The following XKR4 variants were observed in gnomAD, a reference collection of about 807,000 sequenced individuals.
The protein encoded by XKR4 is XK related 4, also known as XK-related protein 4.
In XKR4, 12 loss-of-function variants were observed where a neutral mutation model predicts 53.9. The observed-to-expected ratio is 0.22, with a 90% CI of 0.14 to 0.36. The LOEUF is 0.36. Ranked by LOEUF, XKR4 falls within the 10% of genes least tolerant of loss-of-function variation. XKR4 has a pLI of 1.00. For synonymous variants in XKR4, 354 were observed against 362.4 expected (o/e 0.98, Z 0.26); for missense variants, 799 against 859.5 (o/e 0.93, Z 0.88).
intron 2 of XKR4, among the ~76,000 whole-genome samples, chr8:55,457,497 C>A: frequency 6.6e-6 from 1 of 151,726 alleles, no homozygotes; most frequent in Non-Finnish European, 1.5e-5. Context: ...AAACTATTCC[C>A]CAAAAAATAA....
chr8:55,454,263 C>A, intron 2 of XKR4: 1 of 1,300,446 alleles, frequency 7.7e-7, no homozygotes, highest in Non-Finnish European at 1.1e-6. Flanking sequence ...GCTACAATCA[C>A]GTCTAGCAGC....
At chr8:55,311,434 A>G (rs1819386981) in intron 1 of XKR4, among the ~76,000 whole-genome samples, 1 of 152,220 alleles carries the variant, frequency 6.6e-6, no homozygotes, top group Admixed American at 6.5e-5. Context: ...CCAGCTGAAG[A>G]GAGCATGATA....
intron 1 of XKR4, among the ~76,000 whole-genome samples, chr8:55,318,366 G>A (rs1468467228): frequency 6.6e-6 from 1 of 152,152 alleles, no homozygotes; most frequent in African/African-American, 2.4e-5. Flanking sequence ...AAGTCTTTCT[G>A]TTCATGTCAA....
chr8:55,173,573 T>C (rs1176751987), intron 1 of XKR4, among the ~76,000 whole-genome samples: 6 of 152,344 alleles, frequency 3.9e-5, no homozygotes, highest in Admixed American at 1.3e-4. Context: ...ATGGAGGAGC[T>C]GATTTTTATT....
chr8:55,254,521 G>A (rs1818407304), intron 1 of XKR4, among the ~76,000 whole-genome samples: 1 of 152,144 alleles, frequency 6.6e-6, no homozygotes, highest in African/African-American at 2.4e-5. Flanking sequence ...ACAATCTCAT[G>A]GAACTCGTGA....
chr8:55,301,681 C>T (rs1202774060), intron 1 of XKR4, among the ~76,000 whole-genome samples: 2 of 152,080 alleles, frequency 1.3e-5, no homozygotes, highest in Admixed American at 1.3e-4. Context: ...TTTTAATGAT[C>T]ACCATTCTAA....
intron 1 of XKR4, among the ~76,000 whole-genome samples, chr8:55,313,251 G>C (rs930741909): frequency 6.6e-6 from 1 of 152,166 alleles, no homozygotes; most frequent in Non-Finnish European, 1.5e-5. Flanking sequence ...ATGAGTAGGA[G>C]GAATATTTTA....
rs1806937872 is a variant in XKR4 at position 55,530,619 on chromosome 8, TTA to T, written c.*6394_*6395del. 1 of 152,218 alleles carries T rather than the reference TTA, an allele frequency of 6.6e-6. No homozygotes were observed. Among genetic ancestry groups the T allele is most frequent in the Admixed American group, 6.5e-5 (1 of 15,282 alleles). The allele number at this position is 152,218 out of a possible 1,614,324, so 9.4% of individuals were successfully genotyped here. On this transcript the variant is annotated 3_prime_UTR_variant, in exon 3 of 3. Coordinates refer to ENST00000327381, the MANE Select transcript of XKR4 (RefSeq NM_052898.2). ...CCAAAAATTTTCTCAACCCTGGTGT[TTA>T]TTTTTAAAAAATCTTCAATGATCAA...
In XKR4 at chr8:55,124,929, G is replaced by A. The variant is rs1464482666; in HGVS notation, c.806+21635G>A. 2.6e-5 allele frequency among the ~76,000 whole-genome samples: 4 copies of A among 152,296 alleles called. No homozygotes were observed. In the East Asian group the frequency reaches 7.7e-4, roughly 29 times the overall value. ...CCATCATTTTATTCAAAGGTGATTA[G>A]TCTATCCATGCTTGAAATATTACAT... On this transcript the variant is annotated intron_variant, in intron 1 of 2. Coordinates refer to ENST00000327381, the MANE Select transcript of XKR4 (RefSeq NM_052898.2).
chr8:55,246,966 A>G (rs1818293381), intron 1 of XKR4, among the ~76,000 whole-genome samples: 1 of 152,252 alleles, frequency 6.6e-6, no homozygotes, highest in Admixed American at 6.5e-5. Flanking sequence ...GCAGAAAGAG[A>G]GATAAGATGT....
chr8:55,110,217 A>T (rs930246016), intron 1 of XKR4, among the ~76,000 whole-genome samples: 7 of 152,134 alleles, frequency 4.6e-5, no homozygotes, highest in Non-Finnish European at 8.8e-5. Context: ...TTTAGGGAAA[A>T]TTATATTTAA....
Position 55,541,288 on chromosome 8 carries a change from G to A in XKR4, c.*17061G>A, listed in dbSNP as rs1807097108. ...CTTAATTTTGTTTGTTTGTTTCTAA[G>A]GTTGGTTTTGGGTAAAATCCTCATT... On this transcript the variant is annotated 3_prime_UTR_variant, in exon 3 of 3. Transcript: ENST00000327381. The A allele has an allele frequency of 6.6e-6, 1 of 152,132 alleles. No individual in the cohort carries two copies. The highest frequency in any genetic ancestry group is 1.5e-5 in the Non-Finnish European group (1 of 68,018). The allele number at this position is 152,132 out of a possible 1,614,324, so 9.4% of individuals were successfully genotyped here.
At chr8:55,391,939 C>T (rs1315773126) in intron 2 of XKR4, among the ~76,000 whole-genome samples, 2 of 152,028 alleles carry the variant, frequency 1.3e-5, no homozygotes, top group African/African-American at 4.8e-5. Flanking sequence ...ATATTACTAT[C>T]GATCATTTTG....
At chr8:55,156,222 G>A (rs536349614) in intron 1 of XKR4, among the ~76,000 whole-genome samples, 3 of 151,976 alleles carry the variant, frequency 2.0e-5, no homozygotes, top group African/African-American at 4.8e-5. Flanking sequence ...GGGGGGCGGG[G>A]AGGAATCTTG....
At chr8:55,453,150 C>A in intron 2 of XKR4, 1 of 522,500 alleles carries the variant, frequency 1.9e-6, no homozygotes, top group East Asian at 5.3e-5. Context: ...AGAACTGTGG[C>A]ATGCTCCACA....
intron 2 of XKR4, among the ~76,000 whole-genome samples, chr8:55,461,703 T>C (rs930258831): frequency 2.0e-5 from 3 of 152,054 alleles, no homozygotes; most frequent in Non-Finnish European, 2.9e-5. Context: ...TTCGAACAAA[T>C]GGCAAATAAG....
chr8:55,123,261 A>C (rs1483460929), intron 1 of XKR4, among the ~76,000 whole-genome samples: 1 of 152,204 alleles, frequency 6.6e-6, no homozygotes, highest in African/African-American at 2.4e-5. Context: ...GAAATCAGCA[A>C]ATTATTAGAG....
chr8:55,143,860 C>T (rs1046901915), intron 1 of XKR4, among the ~76,000 whole-genome samples: 10 of 152,234 alleles, frequency 6.6e-5, no homozygotes, highest in African/African-American at 2.2e-4. Context: ...AGCCTTGTGG[C>T]GTAGGAGCCT....
At chr8:55,250,056 A>T (rs753118758) in intron 1 of XKR4, among the ~76,000 whole-genome samples, 4 of 152,158 alleles carry the variant, frequency 2.6e-5, no homozygotes, top group Admixed American at 6.5e-5. Context: ...TTTCTTATCC[A>T]CTAAAATCTT....
Sources: allele counts gnomAD v4.1 joint callset (sites outside exome capture counted in the v4.1 genomes callset), GRCh38; gene constraint gnomAD v4.1.1; transcripts MANE v1.5; gene names NCBI Gene and HGNC (gene_info 2026-07-23, HGNC 2026-07-21).